SLC44A2: variants seen among roughly 807,000 people sequenced by gnomAD.
SLC44A2 encodes the protein solute carrier family 44 member 2 (CTL2 blood group), also known as choline transporter-like protein 2.
SLC44A2 carries 57 observed loss-of-function variants against 90.8 expected under a neutral mutation model. That is an observed-to-expected ratio of 0.63 (90% CI 0.51 to 0.78). SLC44A2 has a LOEUF of 0.78. Among genes scored for constraint, SLC44A2 ranks in the 30% least tolerant of loss-of-function variants. The pLI, the probability that SLC44A2 is intolerant of heterozygous loss-of-function variation, is 0.00. For missense variants in SLC44A2, 794 were observed against 919.7 expected, an observed-to-expected ratio of 0.86 and a Z score of 1.77; for synonymous variants, 355 against 360.7, an observed-to-expected ratio of 0.98 and a Z score of 0.18.
At chr19:10,613,512 A>C (rs1048458824) in intron 1 of SLC44A2, among the ~76,000 whole-genome samples, 3 of 152,048 alleles carry the variant, frequency 2.0e-5, no homozygotes, top group African/African-American at 7.2e-5. Context: ...TGACTTCCCA[A>C]AGTGCTGGGA....
At chr19:10,615,471 G>C (rs1304833269) in intron 1 of SLC44A2, among the ~76,000 whole-genome samples, 1 of 152,068 alleles carries the variant, frequency 6.6e-6, no homozygotes, top group Non-Finnish European at 1.5e-5. Context: ...CTACTCGGGA[G>C]GCTGAGGCAC....
chr19:10,610,631 C>CTTTTTTTTTTTTTTTTT (rs56002726), intron 1 of SLC44A2, among the ~76,000 whole-genome samples: 1 of 48,014 alleles, frequency 2.1e-5, no homozygotes, highest in African/African-American at 9.2e-5. Context: ...CCGCGCCTGG[C>CTTTTTTTTTTTTTTTTT]TTTTTTTTTT....
upstream of SLC44A2, chr19:10,602,476 C>T: frequency 8.5e-7 from 1 of 1,173,370 alleles, no homozygotes. Flanking sequence ...AGCCTCCCGC[C>T]CGCCCGGGCT....
Position 10,631,869 on chromosome 19 carries a change from A to G in SLC44A2, c.628A>G (p.Lys210Glu). The G allele has an allele frequency of 6.2e-7, 1 of 1,614,256 alleles. No homozygotes were observed. ...NITDLVEGAK[K>E]ANGVLEARQL... ...CGAGCCTTGTCCTCCTTCCCCCAGG[A>G]AAGCCAATGGAGTCCTAGAGGCGCG... Residue 210 changes from lysine to glutamate, a missense_variant and splice_region_variant, in exon 9 of 22, where the codon AAA becomes GAA. By Grantham distance (56) the Lys-to-Glu change is moderately conservative. Coordinates refer to ENST00000335757, the MANE Select transcript of SLC44A2 (RefSeq NM_020428.4).
chr19:10,642,761 GT>G (rs940072746), intron 21 of SLC44A2: 23 of 1,179,126 alleles, frequency 2.0e-5, no homozygotes, highest in Admixed American at 5.6e-5. Context: ...CTCTCCATCT[GT>G]TTTTTTTGTT....
chr19:10,637,810 C>T (rs746172315), intron 17 of SLC44A2, 46 bp from the exon 18 acceptor site: 13 of 1,613,390 alleles, frequency 8.1e-6, no homozygotes, highest in East Asian at 2.2e-5. Context: ...GACCACCCCC[C>T]ATGCCCACCC....
chr19:10,634,519 C>T (rs1020913291), intron 10 of SLC44A2, among the ~76,000 whole-genome samples: 1 of 151,346 alleles, frequency 6.6e-6, no homozygotes, highest in African/African-American at 2.4e-5. Context: ...GATTATGATT[C>T]CAAGTAGGGG....
chr19:10,627,711 C>G lies in SLC44A2; in HGVS notation c.87-11C>G. Reference sequence around the variant, plus strand: ...CAAGCCTCCTCCAAACACTGCCCCTCTGCTCCCCAGGGGCTGCACGGATAT... The same window carrying G: ...CAAGCCTCCTCCAAACACTGCCCCTGTGCTCCCCAGGGGCTGCACGGATAT... On this transcript the variant is annotated splice_polypyrimidine_tract_variant and intron_variant, in intron 2 of 21. Coordinates refer to ENST00000335757, the MANE Select transcript of SLC44A2 (RefSeq NM_020428.4). 6.2e-7 allele frequency: 1 copy of G among 1,612,754 alleles called. No individual in the cohort carries two copies. The highest frequency in any genetic ancestry group is 2.2e-5 in the East Asian group (1 of 44,888).
chr19:10,602,991 C>T (rs1195583076), intron 1 of SLC44A2, among the ~76,000 whole-genome samples: 1 of 152,160 alleles, frequency 6.6e-6, no homozygotes, highest in Admixed American at 6.5e-5. Flanking sequence ...GGCTTTTGGC[C>T]AGATGGGGAA....
chr19:10,622,883 C>T (rs2066902952), upstream of SLC44A2, among the ~76,000 whole-genome samples: 1 of 152,178 alleles, frequency 6.6e-6, no homozygotes, highest in Non-Finnish European at 1.5e-5. Flanking sequence ...GCCTGGGCGA[C>T]AGAGTGAGAC....
upstream of SLC44A2, among the ~76,000 whole-genome samples, chr19:10,624,406 C>T (rs576699327): frequency 3.3e-5 from 5 of 151,446 alleles, no homozygotes; most frequent in African/African-American, 4.9e-5. Flanking sequence ...TGGGTTTAAG[C>T]GATTCTCCTG....
At chr19:10,604,478 C>T (rs12982370) in intron 1 of SLC44A2, among the ~76,000 whole-genome samples, 7 of 151,996 alleles carry the variant, frequency 4.6e-5, no homozygotes, top group Non-Finnish European at 7.4e-5. Context: ...TGGCCCATGA[C>T]GTCCCTGATA....
At chr19:10,604,444 A>G (rs1245745508) in intron 1 of SLC44A2, among the ~76,000 whole-genome samples, 1 of 152,206 alleles carries the variant, frequency 6.6e-6, no homozygotes, top group East Asian at 1.9e-4. Context: ...TCACATCAGA[A>G]CCAAAAACCT....
At chr19:10,610,842 G>A (rs969343730) in intron 1 of SLC44A2, among the ~76,000 whole-genome samples, 1 of 143,262 alleles carries the variant, frequency 7.0e-6, no homozygotes, top group African/African-American at 2.6e-5. Context: ...GTTTCACCAT[G>A]TTGGCCAGGC....
chr19:10,636,815 C>A, intron 16 of SLC44A2, 59 bp downstream of exon 16: 1 of 1,532,252 alleles, frequency 6.5e-7, no homozygotes, highest in South Asian at 1.2e-5. Context: ...GAATAGCGAA[C>A]CAGGATTGGG....
At chr19:10,621,485 C>T (rs1344419664), upstream of SLC44A2, among the ~76,000 whole-genome samples, 3 of 146,310 alleles carry the variant, frequency 2.1e-5, no homozygotes, top group Non-Finnish European at 4.5e-5. Context: ...GCTCTGTCAC[C>T]CAGGCTGGAG....
intron 20 of SLC44A2, chr19:10,640,901 A>G: frequency 4.6e-6 from 1 of 219,300 alleles, no homozygotes; most frequent in Non-Finnish European, 9.4e-6. Flanking sequence ...CCTGGCTAAC[A>G]TGGTGAAACC....
At chr19:10,604,720 G>A (rs1568440319) in intron 1 of SLC44A2, among the ~76,000 whole-genome samples, 2 of 152,102 alleles carry the variant, frequency 1.3e-5, no homozygotes, top group Non-Finnish European at 2.9e-5. Flanking sequence ...CACTGGTGGG[G>A]GAAGAATTTT....
At chr19:10,630,748 A>G (rs1248996672) in intron 4 of SLC44A2, among the ~76,000 whole-genome samples, 5 of 151,582 alleles carry the variant, frequency 3.3e-5, no homozygotes, top group Non-Finnish European at 7.4e-5. Flanking sequence ...TTACACCTGT[A>G]ATACCAACAC....
Sources: gnomAD v4.1 joint callset for allele counts (sites outside exome capture counted in the v4.1 genomes callset) on GRCh38, gnomAD v4.1.1 for gene constraint, MANE v1.5 for transcripts, NCBI Gene and HGNC (gene_info 2026-07-23, HGNC 2026-07-21) for gene names.